Variants in DCPH1 observed in about 807,000 individuals in gnomAD.
The protein encoded by DCPH1 is damage control phosphatase 1, also known as damage-control phosphatase 1.
the DCPH1 span, chr6:151,464,694 G>A: frequency 2.5e-5 from 23 of 934,596 alleles, no homozygotes; most frequent in Non-Finnish European, 3.5e-5. Flanking sequence ...AACAAAACAT[G>A]TAAATATTTT....
chr6:151,468,986 G>C, the DCPH1 span: 1 of 1,614,080 alleles, frequency 6.2e-7, no homozygotes, highest in East Asian at 2.2e-5. Flanking sequence ...TGTACCATAA[G>C]AACATTAAAA....
chr6:151,457,932 T>C, the DCPH1 span, among the ~76,000 whole-genome samples: 3 of 152,134 alleles, frequency 2.0e-5, no homozygotes, highest in Non-Finnish European at 2.9e-5. Context: ...TAGAACTTGG[T>C]GGAAAACAAG....
chr6:151,455,967 C>T, the DCPH1 span, among the ~76,000 whole-genome samples: 12 of 152,396 alleles, frequency 7.9e-5, no homozygotes, highest in East Asian at 2.1e-3. Context: ...CTTCAAGCAT[C>T]TGTTTAACAA....
chr6:151,453,379 TTACTA>T, the DCPH1 span, among the ~76,000 whole-genome samples: 3 of 152,236 alleles, frequency 2.0e-5, no homozygotes, highest in Non-Finnish European at 4.4e-5. Flanking sequence ...AAAAAAGGAC[TTACTA>T]TACCTACTGC....
chr6:151,455,461 C>G, the DCPH1 span, among the ~76,000 whole-genome samples: 1 of 152,298 alleles, frequency 6.6e-6, no homozygotes, highest in South Asian at 2.1e-4. Flanking sequence ...GGTCAGCAGA[C>G]AAACACGTGA....
the DCPH1 span, among the ~76,000 whole-genome samples, chr6:151,457,629 T>G: frequency 6.6e-6 from 1 of 152,190 alleles, no homozygotes; most frequent in African/African-American, 2.4e-5. Flanking sequence ...ATGTTTATAT[T>G]GAGAAAATTA....
At chr6:151,452,824 C>T in the DCPH1 span, 1 of 471,464 alleles carries the variant, frequency 2.1e-6, no homozygotes, top group African/African-American at 2.1e-5. Flanking sequence ...CAGGGGTCAG[C>T]TTCGCGGTCT....
At chr6:151,458,433 A>G in the DCPH1 span, 2 of 1,613,692 alleles carry the variant, frequency 1.2e-6, no homozygotes, top group Non-Finnish European at 8.5e-7. Flanking sequence ...ATTTGTTGAT[A>G]CTGATATATG....
chr6:151,461,620 G>A, the DCPH1 span, among the ~76,000 whole-genome samples: 1 of 152,152 alleles, frequency 6.6e-6, no homozygotes, highest in Non-Finnish European at 1.5e-5. Context: ...GCAGTGAGCC[G>A]AGATTGTGCC....
At chr6:151,452,842 G>A in the DCPH1 span, 3 of 432,772 alleles carry the variant, frequency 6.9e-6, no homozygotes, top group Non-Finnish European at 1.2e-5. Context: ...TCTGTTCCTG[G>A]CGGTCACTTT....
At chr6:151,456,151 C>T in the DCPH1 span, among the ~76,000 whole-genome samples, 1 of 152,220 alleles carries the variant, frequency 6.6e-6, no homozygotes, top group Non-Finnish European at 1.5e-5. Context: ...TACACAGACA[C>T]AGTAACAATC....
chr6:151,465,718 A>C, the DCPH1 span, among the ~76,000 whole-genome samples: 1 of 152,270 alleles, frequency 6.6e-6, no homozygotes, highest in South Asian at 2.1e-4. Context: ...AGCTGGTCTG[A>C]AAATGACTTG....
At chr6:151,456,259 C>T in the DCPH1 span, among the ~76,000 whole-genome samples, 3 of 152,146 alleles carry the variant, frequency 2.0e-5, no homozygotes, top group Non-Finnish European at 2.9e-5. Context: ...TGTAAAAGAG[C>T]ATACATATAC....
the DCPH1 span, among the ~76,000 whole-genome samples, chr6:151,461,667 G>A: frequency 1.6e-4 from 24 of 152,072 alleles, no homozygotes; most frequent in African/African-American, 5.1e-4. Context: ...GCGAAACTCC[G>A]TCTCAAAAAA....
chr6:151,453,728 G>A, the DCPH1 span, among the ~76,000 whole-genome samples: 1 of 152,212 alleles, frequency 6.6e-6, no homozygotes, highest in Non-Finnish European at 1.5e-5. Context: ...AAACTGCACA[G>A]AATTTCTCCA....
chr6:151,462,258 C>T, the DCPH1 span, among the ~76,000 whole-genome samples: 1 of 152,156 alleles, frequency 6.6e-6, no homozygotes, highest in Non-Finnish European at 1.5e-5. Flanking sequence ...CTTATGTGTT[C>T]AAGAACATAC....
chr6:151,458,677 G>T, the DCPH1 span: 2 of 974,554 alleles, frequency 2.1e-6, no homozygotes, highest in Non-Finnish European at 3.0e-6. Flanking sequence ...GCTTGAATTT[G>T]GTTGAGTTTA....
the DCPH1 span, chr6:151,454,645 C>G: frequency 6.7e-6 from 10 of 1,481,826 alleles, no homozygotes; most frequent in Non-Finnish European, 9.4e-6. Flanking sequence ...TTTTGAGAAA[C>G]ACGGAGAGGT....
the DCPH1 span, among the ~76,000 whole-genome samples, chr6:151,466,968 C>A: frequency 6.6e-6 from 1 of 151,704 alleles, no homozygotes; most frequent in Non-Finnish European, 1.5e-5. Context: ...TAATACTGTT[C>A]GGCCGGGCAT....
Sources: allele counts gnomAD v4.1 joint callset (sites outside exome capture counted in the v4.1 genomes callset), GRCh38; gene constraint gnomAD v4.1.1; transcripts MANE v1.5; gene names NCBI Gene and HGNC (gene_info 2026-07-23, HGNC 2026-07-21).